Variants in RALGPS1 observed in about 807,000 individuals in gnomAD.
RALGPS1 encodes the protein Ral GEF with PH domain and SH3 binding motif 1, also known as ras-specific guanine nucleotide-releasing factor RalGPS1.
Under a neutral mutation model 78.8 loss-of-function variants are expected in RALGPS1, and 19 were observed. That is an observed-to-expected ratio of 0.24 (90% CI 0.17 to 0.35). The LOEUF (loss-of-function observed/expected upper bound fraction) is 0.35. Among genes scored for constraint, RALGPS1 ranks in the 10% least tolerant of loss-of-function variants. RALGPS1 has a pLI of 1.00. For missense variants in RALGPS1, 454 were observed against 688.3 expected, an observed-to-expected ratio of 0.66 and a Z score of 3.81; for synonymous variants, 228 against 256.3, an observed-to-expected ratio of 0.89 and a Z score of 1.06.
At chr9:127,125,838 A>ATGCG (rs2056574300) in intron 8 of RALGPS1, among the ~76,000 whole-genome samples, 2 of 152,220 alleles carry the variant, frequency 1.3e-5, no homozygotes, top group Non-Finnish European at 2.9e-5. Flanking sequence ...TTATCAGTAA[A>ATGCG]TGCGTGACAT....
intron 7 of RALGPS1, among the ~76,000 whole-genome samples, chr9:127,063,172 C>T (rs1025354037): frequency 6.6e-6 from 1 of 152,256 alleles, no homozygotes; most frequent in Non-Finnish European, 1.5e-5. Flanking sequence ...TTTTTTTCTC[C>T]TCCATGGAGA....
intron 8 of RALGPS1, among the ~76,000 whole-genome samples, chr9:127,156,941 C>A (rs1012041505): frequency 1.3e-5 from 2 of 152,050 alleles, no homozygotes; most frequent in African/African-American, 4.8e-5. Flanking sequence ...TTTTCCAAAT[C>A]AATAATCATT....
chr9:127,149,960 C>T (rs372912674), intron 8 of RALGPS1, among the ~76,000 whole-genome samples: 17 of 152,312 alleles, frequency 1.1e-4, no homozygotes, highest in Admixed American at 2.6e-4. Context: ...CGATCACATG[C>T]GGTCAAATAA....
intron 8 of RALGPS1, among the ~76,000 whole-genome samples, chr9:127,081,053 G>T (rs1429718887): frequency 1.3e-5 from 2 of 152,178 alleles, no homozygotes; most frequent in African/African-American, 2.4e-5. Flanking sequence ...AAGTGGAATT[G>T]CTGGGGCAAA....
At chr9:127,169,716 G>A (rs540815322) in intron 10 of RALGPS1, among the ~76,000 whole-genome samples, 1 of 152,260 alleles carries the variant, frequency 6.6e-6, no homozygotes, top group African/African-American at 2.4e-5. Flanking sequence ...ACATTCAGTA[G>A]AAACTGTACT....
chr9:127,191,708 T>TG (rs1387578502), intron 11 of RALGPS1, among the ~76,000 whole-genome samples: 3 of 148,714 alleles, frequency 2.0e-5, no homozygotes, highest in East Asian at 2.0e-4. Context: ...TTGTTTTTTT[T>TG]TTTTTTTGAG....
intron 8 of RALGPS1, among the ~76,000 whole-genome samples, chr9:127,158,648 C>CT (rs1331662494): frequency 6.6e-6 from 1 of 151,144 alleles, no homozygotes; most frequent in Non-Finnish European, 1.5e-5. Context: ...ATTATTTATG[C>CT]TTTTATATTT....
At chr9:127,114,682 G>A (rs1388222192) in intron 8 of RALGPS1, among the ~76,000 whole-genome samples, 1 of 152,216 alleles carries the variant, frequency 6.6e-6, no homozygotes, top group African/African-American at 2.4e-5. Context: ...CACAGATGAA[G>A]GCCAATAATG....
At chr9:127,134,857 A>G (rs1203966087) in intron 8 of RALGPS1, among the ~76,000 whole-genome samples, 2 of 152,220 alleles carry the variant, frequency 1.3e-5, no homozygotes, top group Non-Finnish European at 2.9e-5. Context: ...CTGTCAGAGT[A>G]AAACCAAAGT....
intron 8 of RALGPS1, among the ~76,000 whole-genome samples, chr9:127,157,798 G>T (rs952308935): frequency 6.6e-6 from 1 of 152,048 alleles, no homozygotes; most frequent in African/African-American, 2.4e-5. Context: ...ATGACACTGT[G>T]ATATGCATCT....
chr9:127,157,515 A>G (rs1170460408), intron 8 of RALGPS1, among the ~76,000 whole-genome samples: 1 of 152,038 alleles, frequency 6.6e-6, no homozygotes, highest in African/African-American at 2.4e-5. Context: ...AATAAATGTT[A>G]TATATTATTT....
intron 4 of RALGPS1, among the ~76,000 whole-genome samples, chr9:126,990,686 C>G (rs961773744): frequency 3.3e-5 from 5 of 152,238 alleles, no homozygotes; most frequent in Non-Finnish European, 7.3e-5. Context: ...CATGCTCCCT[C>G]TCATAGCCGC....
At chr9:127,027,523 A>G (rs1462031279) in intron 4 of RALGPS1, among the ~76,000 whole-genome samples, 1 of 152,184 alleles carries the variant, frequency 6.6e-6, no homozygotes, top group Non-Finnish European at 1.5e-5. Context: ...ATACAAATAC[A>G]AGCATTTATA....
At chr9:126,962,117 T>G in intron 1 of RALGPS1, 108 bp from the exon 2 acceptor site, 1 of 624,116 alleles carries the variant, frequency 1.6e-6, no homozygotes, top group Non-Finnish European at 2.8e-6. Context: ...GACCTTTCTT[T>G]AAAGGTCTCC....
intron 10 of RALGPS1, 22 bp from the exon 11 acceptor site, chr9:127,174,693 T>C: frequency 5.0e-6 from 8 of 1,612,268 alleles, no homozygotes; most frequent in Non-Finnish European, 6.8e-6. Context: ...CCATCTGATC[T>C]TATGAAAATC....
chr9:127,171,820 T>C (rs1353279200), intron 10 of RALGPS1, among the ~76,000 whole-genome samples: 2 of 152,168 alleles, frequency 1.3e-5, no homozygotes, highest in East Asian at 3.8e-4. Context: ...CAATAAGTTT[T>C]ATTTTAACTA....
chr9:127,121,004 G>C (rs1426725219), intron 8 of RALGPS1, among the ~76,000 whole-genome samples: 1 of 152,062 alleles, frequency 6.6e-6, no homozygotes, highest in Non-Finnish European at 1.5e-5. Flanking sequence ...AAGCAGTAGG[G>C]TGTGGTTGAG....
At chr9:126,917,471 C>T (rs2034290174) in intron 1 of RALGPS1, among the ~76,000 whole-genome samples, 1 of 152,138 alleles carries the variant, frequency 6.6e-6, no homozygotes, top group Admixed American at 6.5e-5. Context: ...TTTTCCTTTT[C>T]AGTATGGAGG....
At chr9:127,069,548 T>G in intron 8 of RALGPS1, 192 bp downstream of exon 8, 4 of 571,000 alleles carry the variant, frequency 7.0e-6, no homozygotes, top group Non-Finnish European at 1.2e-5. Flanking sequence ...TAGGGTGATA[T>G]ACAAGTGATG....
Sources: gnomAD v4.1 joint callset for allele counts (sites outside exome capture counted in the v4.1 genomes callset) on GRCh38, gnomAD v4.1.1 for gene constraint, MANE v1.5 for transcripts, NCBI Gene and HGNC (gene_info 2026-07-23, HGNC 2026-07-21) for gene names.